SOBP: variants seen among roughly 807,000 people sequenced by gnomAD.
SOBP encodes sine oculis binding protein homolog.
In SOBP, 4 loss-of-function variants were observed where a neutral mutation model predicts 53.6. That is an observed-to-expected ratio of 0.07 (90% CI 0.04 to 0.17). SOBP has a LOEUF of 0.17. Ranked by LOEUF, SOBP falls within the 10% of genes least tolerant of loss-of-function variation. The probability of loss-of-function intolerance (pLI) is 1.00; values close to 1 mark genes in which losing one functional copy is unlikely to be tolerated. For missense variants in SOBP, 1,088 were observed against 1,204.7 expected (o/e 0.90, Z 1.43); for synonymous variants, 584 against 522.6 (o/e 1.12, Z -1.60).
At position 107,522,704 on chromosome 6, in the gene SOBP, A is replaced by G. The variant is rs576402304; in HGVS notation, c.422-10755A>G. Among the ~76,000 whole-genome samples the G allele has an allele frequency of 3.3e-5, 5 of 151,756 alleles. No homozygotes were observed. In the South Asian group the frequency reaches 1.0e-3, roughly 32 times the overall value. On this transcript the variant is annotated intron_variant, in intron 3 of 6. Transcript: ENST00000317357. The stretch of plus-strand genomic sequence containing the variant: ...ACTACAGGCAGGCACGATCATGCCC[A>G]GCTAATTTTTGTATTTTTTTGTAGA...
chr6:107,606,749 C>G (rs973159043), intron 5 of SOBP, among the ~76,000 whole-genome samples: 11 of 152,236 alleles, frequency 7.2e-5, no homozygotes, highest in African/African-American at 2.2e-4. Flanking sequence ...ACTTTGCTTT[C>G]TGCCTACAGG....
intron 4 of SOBP, among the ~76,000 whole-genome samples, chr6:107,584,353 A>G (rs984396714): frequency 6.6e-6 from 1 of 152,198 alleles, no homozygotes; most frequent in African/African-American, 2.4e-5. Flanking sequence ...TATTCCTGTC[A>G]TAGTAATTTA....
At chr6:107,610,083 A>G (rs1197014469) in intron 5 of SOBP, among the ~76,000 whole-genome samples, 1 of 152,222 alleles carries the variant, frequency 6.6e-6, no homozygotes, top group Non-Finnish European at 1.5e-5. Flanking sequence ...GTACTGCCAC[A>G]TAGGTTGTAA....
chr6:107,524,408 GGC>G (rs1249301980), intron 3 of SOBP, among the ~76,000 whole-genome samples: 2 of 152,188 alleles, frequency 1.3e-5, no homozygotes, highest in Non-Finnish European at 2.9e-5. Context: ...TCAGATTGAG[GGC>G]CCAGGGATGG....
chr6:107,647,521 C>T (rs1181867111), intron 6 of SOBP, among the ~76,000 whole-genome samples: 1 of 152,210 alleles, frequency 6.6e-6, no homozygotes, highest in African/African-American at 2.4e-5. Context: ...CATGATAGCC[C>T]CTACAGCCCA....
intron 3 of SOBP, among the ~76,000 whole-genome samples, chr6:107,517,018 T>C (rs950264785): frequency 1.1e-4 from 17 of 152,162 alleles, no homozygotes; most frequent in Non-Finnish European, 2.5e-4. Flanking sequence ...AAGTTGTTTT[T>C]TAAAATGTAT....
chr6:107,503,108 C>A lies in SOBP; in HGVS notation c.97-549C>A, dbSNP rs186702666. ...GAAGGAAAAAAATAAAAAAGGAAGACCCTTGTAACCTATTGTAACCTAGCT... is the reference window on the plus strand; with the variant it reads ...GAAGGAAAAAAATAAAAAAGGAAGAACCTTGTAACCTATTGTAACCTAGCT... On this transcript the variant is annotated intron_variant, in intron 1 of 6. Transcript: ENST00000317357. 7.5e-3 allele frequency among the ~76,000 whole-genome samples: 1,137 copies of A among 152,232 alleles called. 2 individuals are homozygous for A. Among genetic ancestry groups the A allele is most frequent in the Non-Finnish European group, 0.013 (867 of 68,024 alleles).
intron 1 of SOBP, among the ~76,000 whole-genome samples, chr6:107,501,620 C>A (rs1364432854): frequency 6.6e-6 from 1 of 152,134 alleles, no homozygotes; most frequent in Non-Finnish European, 1.5e-5. Flanking sequence ...GTATAAGCCT[C>A]ATCCTTGGAG....
In SOBP at chr6:107,634,960, C is replaced by G; in HGVS notation, c.2116C>G (p.Pro706Ala). 1 of 1,030,664 alleles carries G rather than the reference C, an allele frequency of 9.7e-7. No homozygotes were observed. Among genetic ancestry groups the G allele is most frequent in the Non-Finnish European group, 1.2e-6 (1 of 862,088 alleles). The allele number at this position is 1,030,664 out of a possible 1,614,324, so 63.8% of individuals were successfully genotyped here. A position where few individuals can be genotyped will look rare whatever the true frequency, so the allele number is the denominator to read the frequency against. The stretch of plus-strand genomic sequence containing the variant: ...CTGCAGCCCGCCCGCCGCCGGCGAC[C>G]CAGGCCCGGGCGCCCCGGCGGGCCC... ...GHCSPPAAGD[P>A]GPGAPAGPEA... Residue 706 changes from proline (P) to alanine (A), a missense_variant, in exon 6 of 7, where the codon CCA (proline) becomes GCA (alanine). Around this residue, in one of 6 missense-constraint regions of SOBP, gnomAD observed 665 missense variants for 629.7 expected, o/e 1.06. Transcript: ENST00000317357. The surrounding 1 kb of genome is among the most constrained non-coding windows in gnomAD (Gnocchi z 4.5).
intron 4 of SOBP, among the ~76,000 whole-genome samples, chr6:107,575,665 C>A (rs1293223326): frequency 6.6e-6 from 1 of 152,106 alleles, no homozygotes; most frequent in African/African-American, 2.4e-5. Context: ...AAACGCAGGT[C>A]ACTTTTTGTC....
At chr6:107,616,723 C>T (rs565411893) in intron 5 of SOBP, among the ~76,000 whole-genome samples, 28 of 152,292 alleles carry the variant, frequency 1.8e-4, no homozygotes, top group Non-Finnish European at 3.2e-4. Context: ...AGCGTGGATT[C>T]GGGTCTGATG....
rs776514975 is a variant in SOBP at position 107,634,657 on chromosome 6, G to A, written c.1813G>A (p.Ala605Thr). ...CTCGCCCCCCGGCTGCTCGGGCCAGGCCCTGAGCCTGGCGCCCACGCCCGC... is the reference window on the plus strand; with the variant it reads ...CTCGCCCCCCGGCTGCTCGGGCCAGACCCTGAGCCTGGCGCCCACGCCCGC... ...ADSPPGCSGQ[A>T]LSLAPTPAEH... is the part of the protein sequence containing the mutation. Residue 605 changes from alanine (A) to threonine (T), a missense_variant, in exon 6 of 7, where the codon GCC (alanine) becomes ACC (threonine). Physicochemically the swap from Ala to Thr is moderately conservative, Grantham distance 58 (BLOSUM62 0). Coordinates refer to ENST00000317357, the MANE Select transcript of SOBP (RefSeq NM_018013.4). The surrounding 1 kb of genome is among the most constrained non-coding windows in gnomAD (Gnocchi z 4.5). The A allele has an allele frequency of 6.4e-7, 1 of 1,558,744 alleles. No homozygotes were observed. The highest frequency in any genetic ancestry group is 8.6e-7 in the Non-Finnish European group (1 of 1,158,560).
chr6:107,563,109 T>G (rs921764781), intron 4 of SOBP, among the ~76,000 whole-genome samples: 2 of 151,978 alleles, frequency 1.3e-5, no homozygotes, highest in Non-Finnish European at 2.9e-5. Flanking sequence ...ATTTAAAAAT[T>G]AGCTGGGCAT....
intron 2 of SOBP, among the ~76,000 whole-genome samples, chr6:107,504,235 G>A (rs1373821167): frequency 6.6e-6 from 1 of 152,056 alleles, no homozygotes; most frequent in African/African-American, 2.4e-5. Flanking sequence ...CTTTTTTTCA[G>A]TGGGAAATCT....
rs372676402 is a variant in SOBP at position 107,562,792 on chromosome 6, G to A, written c.574-24288G>A. ...AAGGAAACTAAAATAACATCAAAAT[G>A]ATGAAAAAATTGATAAAGTGAAATA... On this transcript the variant is annotated intron_variant, in intron 4 of 6. Coordinates refer to ENST00000317357, the MANE Select transcript of SOBP (RefSeq NM_018013.4). Among the ~76,000 whole-genome samples, 8 of 152,132 alleles carry A rather than the reference G, an allele frequency of 5.3e-5. No homozygotes were observed. The South Asian group carries it at 1.2e-3, about 24-fold the overall frequency.
intron 4 of SOBP, among the ~76,000 whole-genome samples, chr6:107,536,375 C>T (rs1310633907): frequency 1.3e-5 from 2 of 152,192 alleles, no homozygotes; most frequent in East Asian, 1.9e-4. Flanking sequence ...GACAGCTGTG[C>T]TTGTGGTCTC....
intron 5 of SOBP, among the ~76,000 whole-genome samples, chr6:107,618,723 A>G (rs1409463681): frequency 6.6e-6 from 1 of 152,184 alleles, no homozygotes; most frequent in African/African-American, 2.4e-5. Context: ...CCCCTTTCTC[A>G]TGTAATGCTC....
chr6:107,503,609 G>A, intron 1 of SOBP, 48 bp from the exon 2 acceptor site: 1 of 1,603,612 alleles, frequency 6.2e-7, no homozygotes, highest in Non-Finnish European at 8.5e-7. Flanking sequence ...TTCTTTTCAA[G>A]TAGTTATTGA....
chr6:107,596,097 T>G (rs978366325), intron 5 of SOBP, among the ~76,000 whole-genome samples: 7 of 152,216 alleles, frequency 4.6e-5, no homozygotes, highest in Non-Finnish European at 1.5e-5. Flanking sequence ...GGCCAAGAGC[T>G]TTGTGTGTCA....
Sources: allele counts gnomAD v4.1 joint callset (sites outside exome capture counted in the v4.1 genomes callset), GRCh38; gene constraint gnomAD v4.1.1; regional missense constraint gnomAD v4.1.1; non-coding constraint Gnocchi (gnomAD v3.1); transcripts MANE v1.5; gene names NCBI Gene and HGNC (gene_info 2026-07-23, HGNC 2026-07-21).